CHD5: variants seen among roughly 807,000 people sequenced by gnomAD.
The protein encoded by CHD5 is chromodomain helicase DNA binding protein 5.
In CHD5, 69 loss-of-function variants were observed where a neutral mutation model predicts 230.3. That is an observed-to-expected ratio of 0.30 (90% CI 0.25 to 0.37). The LOEUF (loss-of-function observed/expected upper bound fraction) is 0.37. CHD5 is among the 10% of genes least tolerant of loss of function. The pLI is 1.00. For missense variants in CHD5, 1,827 were observed against 2,622.8 expected (o/e 0.70, Z 6.63); for synonymous variants, 1,064 against 1,065.9 (o/e 1.00, Z 0.03).
chr1:6,148,893 G>T lies in CHD5; in HGVS notation c.1344C>A (p.Pro448=). ...AGAGCCATTCACCGTTTGGGATCTC[G>T]GGCAGCGGCGGGTTGAGGCAATGCA... ...YHLHCLNPPL[P]EIPNGEWLCP... is the part of the protein sequence containing the mutation. The change falls in exon 9 of 42, where the codon CCC becomes CCA. Residue 448 remains proline (P), a synonymous_variant. Coordinates refer to ENST00000262450, the MANE Select transcript of CHD5 (RefSeq NM_015557.3). The T allele has an allele frequency of 6.3e-7, 1 of 1,585,004 alleles. No individual in the cohort carries two copies. The highest frequency in any genetic ancestry group is 8.6e-7 in the Non-Finnish European group (1 of 1,164,514).
intron 1 of CHD5, among the ~76,000 whole-genome samples, chr1:6,178,184 CA>C (rs1667454151): frequency 6.6e-6 from 1 of 152,110 alleles, no homozygotes; most frequent in Non-Finnish European, 1.5e-5. Context: ...GCTCTGGGGC[CA>C]ACCCACCGAG....
rs1192973990 is a variant in CHD5 at position 6,121,056 on chromosome 1, C to T, written c.4912+49G>A. The T allele has an allele frequency of 3.3e-6, 5 of 1,523,372 alleles. No individual in the cohort carries two copies. Among genetic ancestry groups the T allele is most frequent in the African/African-American group, 1.4e-5 (1 of 72,020 alleles). The allele number at this position is 1,523,372 out of a possible 1,614,324, so 94.4% of individuals were successfully genotyped here. A position where few individuals can be genotyped will look rare whatever the true frequency, so the allele number is the denominator to read the frequency against. On this transcript the variant is annotated intron_variant, in intron 33 of 41. Coordinates refer to ENST00000262450, the MANE Select transcript of CHD5 (RefSeq NM_015557.3). The surrounding 1 kb of genome is among the most constrained non-coding windows in gnomAD (Gnocchi z 4.5). Reference sequence around the variant, plus strand: ...CTGCCCTTCTCTGAACCCAGGCCTGCTGAGGCCAGACATGGCACTGGGGTG... The same window carrying T: ...CTGCCCTTCTCTGAACCCAGGCCTGTTGAGGCCAGACATGGCACTGGGGTG...
chr1:6,112,096 A>C (rs1173948267), intron 35 of CHD5, 44 bp downstream of exon 35: 1 of 1,600,630 alleles, frequency 6.2e-7, no homozygotes, highest in Admixed American at 1.7e-5. Context: ...TGGGACCCAC[A>C]GTCAGGAAGC....
At chr1:6,153,620 G>A (rs1396243263) in intron 5 of CHD5, among the ~76,000 whole-genome samples, 3 of 152,186 alleles carry the variant, frequency 2.0e-5, no homozygotes, top group African/African-American at 7.2e-5. Context: ...CCTGAGGTCA[G>A]GAGTTCTGAG....
At position 6,126,961 on chromosome 1, in the gene CHD5, T is replaced by C; in HGVS notation, c.3904-215A>G. 1 of 585,220 alleles carries C rather than the reference T, an allele frequency of 1.7e-6. No individual in the cohort carries two copies. The highest frequency in any genetic ancestry group is 3.0e-6 in the Non-Finnish European group (1 of 328,156). 36.3% of individuals were successfully genotyped at this position (585,220 alleles called of 1,614,324 possible). ...AGTCAATCATTTACTTATTCATCCA[T>C]CCATTCACAAAGCAAGTATTTCCTC... On this transcript the variant is annotated intron_variant, in intron 25 of 41. Transcript: ENST00000262450. The surrounding 1 kb of genome is among the most constrained non-coding windows in gnomAD (Gnocchi z 5.7).
Position 6,159,557 on chromosome 1 carries a change from G to A in CHD5, c.208-42C>T, listed in dbSNP as rs547574064. 3 of 1,554,000 alleles carry A rather than the reference G, an allele frequency of 1.9e-6. No homozygotes were observed. The African/African-American group carries it at 4.1e-5, about 21-fold the overall frequency. On this transcript the variant is annotated intron_variant, in intron 2 of 41. Coordinates refer to ENST00000262450, the MANE Select transcript of CHD5 (RefSeq NM_015557.3). Reference sequence around the variant, plus strand: ...ACAGTGAGGGCAACAGAGGCCCCAGGAACATCCAGAGTCCTGGGTGGCAGG... The same window carrying A: ...ACAGTGAGGGCAACAGAGGCCCCAGAAACATCCAGAGTCCTGGGTGGCAGG...
In CHD5 at chr1:6,123,977, T is replaced by G. The variant is rs779528061; in HGVS notation, c.4670A>C (p.His1557Pro). Residue 1557 changes from histidine (H) to proline (P), a missense_variant, in exon 31 of 42, where the codon CAC becomes CCC. Physicochemically the swap from His to Pro is moderately conservative, Grantham distance 77. Transcript: ENST00000262450. ...PNTPVPASPA[H>P]LLPAPLGLPD... ...CAGGCCCAGCGGGGCTGGCAGGAGG[T>G]GGGCAGGGCTGGCGGGCACTGGTGT... The G allele has an allele frequency of 1.4e-5, 22 of 1,585,424 alleles. No individual in the cohort carries two copies. Among genetic ancestry groups the G allele is most frequent in the Middle Eastern group, 2.1e-4 (1 of 4,822 alleles).
chr1:6,107,536 G>A lies in CHD5; in HGVS notation c.5579-757C>T, dbSNP rs1444484337. Among the ~76,000 whole-genome samples the A allele has an allele frequency of 7.7e-3, 400 of 51,712 alleles. 1 individual carries two copies. Among genetic ancestry groups the A allele is most frequent in the South Asian group, 0.027 (21 of 788 alleles). The allele number at this position is 51,712 out of a possible 152,430, so 33.9% of individuals were successfully genotyped here. On this transcript the variant is annotated intron_variant, in intron 38 of 41. Coordinates refer to ENST00000262450, the MANE Select transcript of CHD5 (RefSeq NM_015557.3). Reference sequence around the variant, plus strand: ...AGGGATGGAGCGGTGGAGAGATGGAGGGATGGAGGGATAATGAAGGGATGA... The same window carrying A: ...AGGGATGGAGCGGTGGAGAGATGGAAGGATGGAGGGATAATGAAGGGATGA...
intron 7 of CHD5, among the ~76,000 whole-genome samples, chr1:6,150,198 A>C (rs1666980837): frequency 6.6e-6 from 1 of 150,674 alleles, no homozygotes; most frequent in Admixed American, 6.6e-5. Context: ...AGAGTGGTAG[A>C]TGGATGGATG....
chr1:6,108,375 G>A (rs1416718734), intron 38 of CHD5, among the ~76,000 whole-genome samples: 1 of 146,772 alleles, frequency 6.8e-6, no homozygotes, highest in African/African-American at 2.5e-5. Flanking sequence ...AGGAATGGAA[G>A]GACGAAGGGA....
intron 31 of CHD5, among the ~76,000 whole-genome samples, chr1:6,123,168 G>T (rs1276643004): frequency 6.6e-6 from 1 of 152,196 alleles, no homozygotes; most frequent in Non-Finnish European, 1.5e-5. Context: ...CAATGTGGAT[G>T]AACCTGGAAC....
rs780036901 is a variant in CHD5, at chr1:6,129,244, C to T, written c.3388-175G>A. On this transcript the variant is annotated intron_variant, in intron 22 of 41. Coordinates refer to ENST00000262450, the MANE Select transcript of CHD5 (RefSeq NM_015557.3). This position sits in a 1 kb window ranked among gnomAD's most constrained non-coding sequence, Gnocchi z 6.8. ...TGCAGCTGGGCTCCCTCCCTGACTG[C>T]GGAGCCTCCCACAAGCCTGGGTGCC... Among the ~76,000 whole-genome samples, 1 of 152,124 alleles carries T rather than the reference C, an allele frequency of 6.6e-6. No individual in the cohort carries two copies. The highest frequency in any genetic ancestry group is 1.5e-5 in the Non-Finnish European group (1 of 68,016).
rs1666703327 is a variant in CHD5 at position 6,134,249 on chromosome 1, A to G, written c.3023T>C (p.Val1008Ala). The change falls in exon 20 of 42, where the codon GTC (valine) becomes GCC (alanine). Residue 1008 changes from valine (V) to alanine (A), a missense_variant. Coordinates refer to ENST00000262450, the MANE Select transcript of CHD5 (RefSeq NM_015557.3). The surrounding 1 kb of genome is among the most constrained non-coding windows in gnomAD (Gnocchi z 6.3). ...TCCATCGTAGGAGCCATTGGGCAAG[A>G]CAGGGGCCTCCTGCAGACACAGCAG... ...LFPVAAVEAP[V>A]LPNGSYDGSS... 4 of 1,613,168 alleles carry G rather than the reference A, an allele frequency of 2.5e-6. No individual in the cohort carries two copies. The highest frequency in any genetic ancestry group is 2.7e-5 in the African/African-American group (2 of 74,924).
At chr1:6,132,350 T>C (rs1666671347) in intron 20 of CHD5, among the ~76,000 whole-genome samples, 1 of 152,202 alleles carries the variant, frequency 6.6e-6, no homozygotes, top group Non-Finnish European at 1.5e-5. Context: ...TGTTAAGAAG[T>C]CTGAGAACGA....
In CHD5 at chr1:6,172,879, G is replaced by A. The variant is rs954117905; in HGVS notation, c.80-4602C>T. Among the ~76,000 whole-genome samples the A allele has an allele frequency of 3.9e-5, 6 of 152,228 alleles. No homozygotes were observed. In the South Asian group the frequency reaches 6.2e-4, roughly 16 times the overall value. On this transcript the variant is annotated intron_variant, in intron 1 of 41. Transcript: ENST00000262450. ...GCAGCAGCAGAGCAAGGACGCAGCC[G>A]CCAGGGCACTTGGCAAACACAAGGT...
At chr1:6,136,135 C>T (rs1254284637) in intron 17 of CHD5, among the ~76,000 whole-genome samples, 1 of 152,122 alleles carries the variant, frequency 6.6e-6, no homozygotes, top group Non-Finnish European at 1.5e-5. Flanking sequence ...GGGGATGGGG[C>T]GGTGGGCTCC....
At position 6,142,072 on chromosome 1, in the gene CHD5, C is replaced by A. The variant is rs1372418157; in HGVS notation, c.2436+56G>T. 2 of 1,512,462 alleles carry A rather than the reference C, an allele frequency of 1.3e-6. No homozygotes were observed. The highest frequency in any genetic ancestry group is 1.8e-6 in the Non-Finnish European group (2 of 1,090,082). 93.7% of individuals were successfully genotyped at this position (1,512,462 alleles called of 1,614,324 possible). On this transcript the variant is annotated intron_variant, in intron 15 of 41. Coordinates refer to ENST00000262450, the MANE Select transcript of CHD5 (RefSeq NM_015557.3). This position sits in a 1 kb window ranked among gnomAD's most constrained non-coding sequence, Gnocchi z 5.2. ...CAAAGGAGTGCACGGCACCCGTGGTCCCTGAACTAGACCGGGGGCCTTCCT... is the reference window on the plus strand; with the variant it reads ...CAAAGGAGTGCACGGCACCCGTGGTACCTGAACTAGACCGGGGGCCTTCCT...
chr1:6,156,927 C>G (rs181716562), intron 3 of CHD5, among the ~76,000 whole-genome samples: 232 of 152,370 alleles, frequency 1.5e-3, no homozygotes, highest in African/African-American at 5.2e-3. Flanking sequence ...GATCCTGGCT[C>G]TGCCACATAC....
intron 1 of CHD5, among the ~76,000 whole-genome samples, chr1:6,179,364 G>A (rs1037495552): frequency 5.9e-5 from 9 of 152,192 alleles, no homozygotes; most frequent in Admixed American, 3.3e-4. Flanking sequence ...AGGAGCAGGG[G>A]TCCGAGCCCG....
Sources: gnomAD v4.1 joint callset for allele counts (sites outside exome capture counted in the v4.1 genomes callset) on GRCh38, gnomAD v4.1.1 for gene constraint, Gnocchi (gnomAD v3.1) non-coding constraint, MANE v1.5 for transcripts, NCBI Gene and HGNC (gene_info 2026-07-23, HGNC 2026-07-21) for gene names.